Variants in FBXO10 observed in about 807,000 individuals in gnomAD.
FBXO10 encodes the protein F-box protein 10.
In FBXO10, 39 loss-of-function variants were observed where a neutral mutation model predicts 80.7. That is an observed-to-expected ratio of 0.48 (90% CI 0.37 to 0.63). FBXO10 has a LOEUF of 0.63. Among genes scored for constraint, FBXO10 ranks in the 30% least tolerant of loss-of-function variants. The probability of loss-of-function intolerance (pLI) is 0.00; values close to 1 mark genes in which losing one functional copy is unlikely to be tolerated. For synonymous variants in FBXO10, 449 were observed against 489.6 expected, an observed-to-expected ratio of 0.92 and a Z score of 1.09; for missense variants, 1,025 against 1,269.0, an observed-to-expected ratio of 0.81 and a Z score of 2.92.
Position 37,512,553 on chromosome 9 carries a change from G to A in FBXO10, c.2865C>T (p.Ile955=), listed in dbSNP as rs770814195. The change falls in exon 11 of 11, where the codon ATC becomes ATT. Residue 955 remains isoleucine, a synonymous_variant. Coordinates refer to ENST00000432825, the MANE Select transcript of FBXO10 (RefSeq NM_012166.3). The part of the protein sequence containing the change: ...YHSNRSVFCT[I]L Reference sequence around the variant, plus strand: ...CTGAAGCAGGTCTGTGTCCTCACAGGATGGTGCAGAAGACACTGCGGTTGC... The same window carrying A: ...CTGAAGCAGGTCTGTGTCCTCACAGAATGGTGCAGAAGACACTGCGGTTGC... The A allele has an allele frequency of 5.0e-6, 8 of 1,613,336 alleles. No homozygotes were observed. In the African/African-American group the frequency reaches 1.1e-4, roughly 22 times the overall value.
chr9:37,539,096 G>A lies in FBXO10; in HGVS notation c.586-1153C>T, dbSNP rs150354115. Among the ~76,000 whole-genome samples the A allele has an allele frequency of 6.6e-5, 10 of 152,300 alleles. No individual in the cohort carries two copies. The South Asian group carries it at 2.1e-3, about 32-fold the overall frequency. ...ATCAGATGTATTTGAATCATCAAATGAGGGAGTATCTCATGATTCCATTTA... is the reference window on the plus strand; with the variant it reads ...ATCAGATGTATTTGAATCATCAAATAAGGGAGTATCTCATGATTCCATTTA... On this transcript the variant is annotated intron_variant, in intron 2 of 10. Transcript: ENST00000432825.
At position 37,541,346 on chromosome 9, in the gene FBXO10, G is replaced by A. The variant is rs369402537; in HGVS notation, c.423C>T (p.Tyr141=). Residue 141 remains tyrosine, a synonymous_variant, in exon 2 of 11, where the codon TAC becomes TAT. Transcript: ENST00000432825. ...YDRIVLFPGV[Y]EEQGEIILKV... is the part of the protein sequence containing the mutation. ...TCAAGATGATTTCACCTTGCTCTTC[G>A]TACACACCTGGGAAGAGCACAATTC... The A allele has an allele frequency of 1.9e-5, 30 of 1,613,796 alleles. No homozygotes were observed. Among genetic ancestry groups the A allele is most frequent in the African/African-American group, 1.6e-4 (12 of 74,896 alleles).
At position 37,537,466 on chromosome 9, in the gene FBXO10, C is replaced by T. The variant is rs548913637; in HGVS notation, c.1063G>A (p.Asp355Asn). 97 of 1,606,112 alleles carry T rather than the reference C, an allele frequency of 6.0e-5. 1 individual carries two copies. Among genetic ancestry groups the T allele is most frequent in the Non-Finnish European group, 6.5e-5 (77 of 1,176,362 alleles). Residue 355 changes from aspartate to asparagine, a missense_variant, in exon 3 of 11, where the codon GAT becomes AAT. By Grantham distance (23) the Asp-to-Asn change is conservative. Coordinates refer to ENST00000432825, the MANE Select transcript of FBXO10 (RefSeq NM_012166.3). ...ERVAQTPDSS[D>N]GGLSPSGEDE... is the part of the protein sequence containing the mutation. ...TCACCGCTGGGACTCAGGCCTCCAT[C>T]GCTGCTGTCCGGGGTCTGGGCCACC...
chr9:37,544,522 A>G (rs1299146184), intron 1 of FBXO10, among the ~76,000 whole-genome samples: 2 of 152,226 alleles, frequency 1.3e-5, no homozygotes. Context: ...ATTTTATGAA[A>G]ATGCTAATCA....
In FBXO10 at chr9:37,537,904, C is replaced by T. The variant is rs1219968854; in HGVS notation, c.625G>A (p.Glu209Lys). The change falls in exon 3 of 11, where the codon GAG becomes AAG. Residue 209 changes from glutamate (E) to lysine (K), a missense_variant. By Grantham distance (56) the Glu-to-Lys change is moderately conservative. Transcript: ENST00000432825. ...CCATGGACCTGGATGTGCCCGTTCT[C>T]AAAGTTGCAGTTGTCAAACTGGACG... ...GHVQFDNCNFENGHIQVHGPG... is the reference protein window; with the variant it reads ...GHVQFDNCNFKNGHIQVHGPG... 6.2e-7 allele frequency: 1 copy of T among 1,611,618 alleles called. No individual in the cohort carries two copies. The highest frequency in any genetic ancestry group is 8.5e-7 in the Non-Finnish European group (1 of 1,178,562).
chr9:37,574,704 C>T (rs1295957464), intron 1 of FBXO10, among the ~76,000 whole-genome samples: 1 of 152,184 alleles, frequency 6.6e-6, no homozygotes, highest in Admixed American at 6.5e-5. Flanking sequence ...ATGAGGTAAG[C>T]TCACTGGGAG....
Position 37,518,184 on chromosome 9 carries a change from T to C in FBXO10, c.2455A>G (p.Asn819Asp). ...CTGCCCCGGTTGCCAATGATATCGT[T>C]TTCAATGACGATGGTGCTGTCGCCC... ...TKGDSTIVIE[N>D]DIIGNRGSGL... is the part of the protein sequence containing the mutation. The change falls in exon 9 of 11, where the codon AAC becomes GAC. Residue 819 changes from asparagine (N) to aspartate (D), a missense_variant. By Grantham distance (23) the Asn-to-Asp change is conservative. This residue lies in a region of FBXO10 where 478 missense variants were observed against 667.8 expected (regional missense o/e 0.72). Coordinates refer to ENST00000432825, the MANE Select transcript of FBXO10 (RefSeq NM_012166.3). 6.2e-7 allele frequency: 1 copy of C among 1,614,022 alleles called. No individual in the cohort carries two copies.
Position 37,518,158 on chromosome 9 carries a change from G to T in FBXO10, c.2481C>A (p.Ser827Arg). Residue 827 changes from serine (S) to arginine (R), a missense_variant, in exon 9 of 11, where the codon AGC becomes AGA. Ser to Arg is a moderately radical substitution (Grantham distance 110, BLOSUM62 -1). This residue lies in a region of FBXO10 where 478 missense variants were observed against 667.8 expected (regional missense o/e 0.72). Coordinates refer to ENST00000432825, the MANE Select transcript of FBXO10 (RefSeq NM_012166.3). ...CGGACCTGGGCAGCAGCTGCAGCCCGCTGCCCCGGTTGCCAATGATATCGT... is the reference window on the plus strand; with the variant it reads ...CGGACCTGGGCAGCAGCTGCAGCCCTCTGCCCCGGTTGCCAATGATATCGT... ...IENDIIGNRGSGLQLLPRSDT... is the reference protein window; with the variant it reads ...IENDIIGNRGRGLQLLPRSDT... 6.2e-7 allele frequency: 1 copy of T among 1,613,890 alleles called. No homozygotes were observed. The highest frequency in any genetic ancestry group is 8.5e-7 in the Non-Finnish European group (1 of 1,179,800).
At chr9:37,556,144 G>A (rs1026088230) in intron 1 of FBXO10, among the ~76,000 whole-genome samples, 1 of 152,178 alleles carries the variant, frequency 6.6e-6, no homozygotes, top group Admixed American at 6.5e-5. Flanking sequence ...CAATGGTAGT[G>A]TGGGATTATT....
Position 37,512,478 on chromosome 9 carries a change from C to A in FBXO10, c.*69G>T. 1 of 1,536,118 alleles carries A rather than the reference C, an allele frequency of 6.5e-7. No homozygotes were observed. The highest frequency in any genetic ancestry group is 8.8e-7 in the Non-Finnish European group (1 of 1,132,758). The stretch of plus-strand genomic sequence containing the variant: ...GGGAGGGGGAGGGGCGGAGTCTTTT[C>A]AGGCAGTATTTCCACCTTAGCTCCT... On this transcript the variant is annotated 3_prime_UTR_variant, in exon 11 of 11. Coordinates refer to ENST00000432825, the MANE Select transcript of FBXO10 (RefSeq NM_012166.3).
chr9:37,546,631 A>AGACATAGT (rs1013748190), intron 1 of FBXO10, among the ~76,000 whole-genome samples: 3 of 152,202 alleles, frequency 2.0e-5, no homozygotes, highest in Non-Finnish European at 4.4e-5. Flanking sequence ...AGAGGGGAGA[A>AGACATAGT]GACATAGTGA....
chr9:37,546,617 A>G (rs575548822), intron 1 of FBXO10, among the ~76,000 whole-genome samples: 1 of 152,324 alleles, frequency 6.6e-6, no homozygotes, highest in African/African-American at 2.4e-5. Flanking sequence ...CTGATAGTTT[A>G]ATAAGAGGGG....
rs112564503 is a variant in FBXO10, at chr9:37,512,791, TCTTAA to T, written c.2697-75_2697-71del. ...AGTGCTGGCTGAATGCCCTGCACAG[TCTTAA>T]CTTGGGTTCCAGATCGGTGGATCCA... On this transcript the variant is annotated intron_variant, in intron 10 of 10. Transcript: ENST00000432825. 1.2e-3 allele frequency: 1,845 copies of T among 1,492,526 alleles called. 21 individuals carry two copies. In the African/African-American group the frequency reaches 0.023, roughly 18 times the overall value. 92.5% of individuals were successfully genotyped at this position (1,492,526 alleles called of 1,614,324 possible).
Position 37,553,936 on chromosome 9 carries a change from A to AAAAG in FBXO10, c.-6-12166_-6-12163dup, listed in dbSNP as rs1554648220. 7.5e-4 allele frequency among the ~76,000 whole-genome samples: 112 copies of AAAAG among 148,972 alleles called. 3 individuals carry two copies. The highest frequency in any genetic ancestry group is 2.5e-3 in the African/African-American group (98 of 39,226). On this transcript the variant is annotated intron_variant, in intron 1 of 10. Transcript: ENST00000432825. ...TGCCTCAAAAAAAAAAAAAAAAAAA[A>AAAAG]AAAGAAAGAAAGAAAGAATAGAGAT... is the stretch of plus-strand genomic sequence containing the variant.
rs1032746667 is a variant in FBXO10, at chr9:37,515,886, G to A, written c.2696+18C>T. On this transcript the variant is annotated intron_variant, in intron 10 of 10. Coordinates refer to ENST00000432825, the MANE Select transcript of FBXO10 (RefSeq NM_012166.3). ...CTGTGGCTCTAGAGGACTCGTTCAG[G>A]CAACCCCAAGCACTCACTTTTTCTT... 1.2e-6 allele frequency: 2 copies of A among 1,609,710 alleles called. No individual in the cohort carries two copies. The highest frequency in any genetic ancestry group is 1.3e-5 in the African/African-American group (1 of 74,734).
chr9:37,520,525 T>C (rs111540328), intron 8 of FBXO10, among the ~76,000 whole-genome samples: 29 of 104,200 alleles, frequency 2.8e-4, no homozygotes, highest in African/African-American at 9.7e-4. Context: ...TCTTCTTCTT[T>C]TTTTTTTTTT....
chr9:37,544,925 T>C (rs1316187259), intron 1 of FBXO10, among the ~76,000 whole-genome samples: 1 of 127,468 alleles, frequency 7.8e-6, no homozygotes, highest in Non-Finnish European at 1.6e-5. Context: ...ACCCGGGAGG[T>C]GGAGCTTGCA....
At position 37,532,047 on chromosome 9, in the gene FBXO10, G is replaced by T; in HGVS notation, c.1431C>A (p.Leu477=). The part of the protein sequence containing the change: ...RCIHNSKIIM[L]RNDIYRCRAS... ...CTCGGCAGCGGTAAATGTCGTTCCTGAGCATGATGATCTAAGCAGAAAAGA... is the reference window on the plus strand; with the variant it reads ...CTCGGCAGCGGTAAATGTCGTTCCTTAGCATGATGATCTAAGCAGAAAAGA... Residue 477 remains leucine, a synonymous_variant, in exon 4 of 11, where the codon CTC becomes CTA. Coordinates refer to ENST00000432825, the MANE Select transcript of FBXO10 (RefSeq NM_012166.3). 6.2e-7 allele frequency: 1 copy of T among 1,613,470 alleles called. No individual in the cohort carries two copies. The highest frequency in any genetic ancestry group is 1.1e-5 in the South Asian group (1 of 90,984).
intron 7 of FBXO10, chr9:37,522,332 G>A: frequency 1.0e-6 from 1 of 999,102 alleles, no homozygotes; most frequent in Non-Finnish European, 1.2e-6. Flanking sequence ...CATAGAAAGG[G>A]CTGAGTAGAG....
Sources: gnomAD v4.1 joint callset for allele counts (sites outside exome capture counted in the v4.1 genomes callset) on GRCh38, gnomAD v4.1.1 for gene constraint, gnomAD v4.1.1 regional missense constraint, MANE v1.5 for transcripts, NCBI Gene and HGNC (gene_info 2026-07-23, HGNC 2026-07-21) for gene names.